Variants in CCDC191 observed in about 807,000 individuals in gnomAD.
CCDC191 encodes the protein coiled-coil domain-containing protein 191.
Under a neutral mutation model 114.0 loss-of-function variants are expected in CCDC191, and 99 were observed. That is an observed-to-expected ratio of 0.87 (90% CI 0.74 to 1.03). The LOEUF (loss-of-function observed/expected upper bound fraction) is 1.03. CCDC191 is among the 50% of genes least tolerant of loss of function. The pLI is 0.00. For synonymous variants in CCDC191, 351 were observed against 376.0 expected (o/e 0.93, Z 0.77); for missense variants, 973 against 1,087.0 (o/e 0.90, Z 1.47).
chr3:114,005,883 G>T lies in CCDC191; in HGVS notation c.1493C>A (p.Thr498Lys). Residue 498 changes from threonine to lysine, a missense_variant, in exon 10 of 17, where the codon ACA becomes AAA. Physicochemically the swap from Thr to Lys is moderately conservative, Grantham distance 78. Coordinates refer to ENST00000295878, the MANE Select transcript of CCDC191 (RefSeq NM_020817.2). ...GGAACCCTGCAAGTTGCCTGTTGTTGTTCTTCCCAGGGGAGGACTGAGCAT... is the reference window on the plus strand; with the variant it reads ...GGAACCCTGCAAGTTGCCTGTTGTTTTTCTTCCCAGGGGAGGACTGAGCAT... ...GCMLSPPLGR[T>K]TTGNLQGSLQ... is the part of the protein sequence containing the mutation. The T allele has an allele frequency of 6.2e-7, 1 of 1,613,980 alleles. No homozygotes were observed. The highest frequency in any genetic ancestry group is 8.5e-7 in the Non-Finnish European group (1 of 1,179,910).
intron 13 of CCDC191, among the ~76,000 whole-genome samples, chr3:113,982,868 A>C (rs1050974915): frequency 1.3e-5 from 2 of 151,552 alleles, no homozygotes; most frequent in African/African-American, 2.4e-5. Flanking sequence ...AAAAAAAAAA[A>C]AACCAAAAAT....
chr3:114,005,796 G>GCAATAA lies in CCDC191; in HGVS notation c.1579_1580insTTATTG (p.Pro527delinsLeuIleAla). ...CTCGTTGCTGCCAGGCTGTTGAGAG[G>GCAATAA]GTTCAGCACCCAGGGTCTTGTGCTG... On this transcript the variant is annotated protein_altering_variant, in exon 10 of 17. Coordinates refer to ENST00000295878, the MANE Select transcript of CCDC191 (RefSeq NM_020817.2). The GCAATAA allele has an allele frequency of 6.2e-7, 1 of 1,614,030 alleles. No individual in the cohort carries two copies.
At chr3:114,009,974 TA>T (rs984599508) in intron 9 of CCDC191, among the ~76,000 whole-genome samples, 12 of 151,116 alleles carry the variant, frequency 7.9e-5, no homozygotes, top group Non-Finnish European at 1.0e-4. Flanking sequence ...TTGCGGAACT[TA>T]AAAAAAAAGA....
At position 114,006,419 on chromosome 3, in the gene CCDC191, A is replaced by G. The variant is rs535331214; in HGVS notation, c.1414-457T>C. ...GGCTGAGATTGTGCTACTGAACTCC[A>G]GCCTGGGCAACACAGCGAGACCCTG... On this transcript the variant is annotated intron_variant, in intron 9 of 16. Transcript: ENST00000295878. Among the ~76,000 whole-genome samples the G allele has an allele frequency of 5.3e-5, 8 of 151,238 alleles. No individual in the cohort carries two copies. In the South Asian group the frequency reaches 1.7e-3, roughly 32 times the overall value.
chr3:114,039,720 C>T (rs1258285242), intron 4 of CCDC191, among the ~76,000 whole-genome samples: 1 of 144,350 alleles, frequency 6.9e-6, no homozygotes, highest in African/African-American at 2.6e-5. Context: ...AGTTTTTTAA[C>T]AAGAAAAAAA....
chr3:113,975,855 A>G (rs1239122629), intron 16 of CCDC191, among the ~76,000 whole-genome samples: 1 of 152,258 alleles, frequency 6.6e-6, no homozygotes, highest in Non-Finnish European at 1.5e-5. Context: ...CAATGCTTTT[A>G]TATCAAGTAG....
In CCDC191 at chr3:114,005,951, C is replaced by A; in HGVS notation, c.1425G>T (p.Val475=). ...PPVKNGQETA[V]PPLWEKPPLG... ...AGGGAGGCTTTTCCCACAAAGGGGG[C>A]ACAGCAGTCTCCTGAGAGAGAGAAA... The change falls in exon 10 of 17, where the codon GTG becomes GTT. Residue 475 remains valine, a synonymous_variant. Coordinates refer to ENST00000295878, the MANE Select transcript of CCDC191 (RefSeq NM_020817.2). 1.2e-6 allele frequency: 2 copies of A among 1,613,736 alleles called. No homozygotes were observed. The highest frequency in any genetic ancestry group is 1.7e-6 in the Non-Finnish European group (2 of 1,179,766).
intron 8 of CCDC191, among the ~76,000 whole-genome samples, chr3:114,017,721 C>T (rs1219589051): frequency 6.6e-6 from 1 of 152,080 alleles, no homozygotes; most frequent in Non-Finnish European, 1.5e-5. Context: ...ACAGCACACA[C>T]CAGGGCCTGT....
At chr3:114,020,468 G>A (rs145593515) in intron 7 of CCDC191, among the ~76,000 whole-genome samples, 42 of 152,210 alleles carry the variant, frequency 2.8e-4, no homozygotes, top group African/African-American at 9.4e-4. Context: ...TGTCAAATAA[G>A]GCACATGTCC....
At chr3:113,968,783 T>G (rs1175422449) in intron 16 of CCDC191, among the ~76,000 whole-genome samples, 1 of 152,090 alleles carries the variant, frequency 6.6e-6, no homozygotes, top group African/African-American at 2.4e-5. Flanking sequence ...ATTGGATTTT[T>G]TTTTGCTATT....
rs545514904 is a variant in CCDC191 at position 114,005,862 on chromosome 3, C to T, written c.1514G>A (p.Gly505Asp). ...LGRTTTGNLQ[G>D]SLQNVSLSAP... Reference sequence around the variant, plus strand: ...ACTCAGAGAGACATTCTGAAGGGAACCCTGCAAGTTGCCTGTTGTTGTTCT... The same window carrying T: ...ACTCAGAGAGACATTCTGAAGGGAATCCTGCAAGTTGCCTGTTGTTGTTCT... The change falls in exon 10 of 17, where the codon GGT (glycine) becomes GAT (aspartate). Residue 505 changes from glycine (G) to aspartate (D), a missense_variant. Physicochemically the swap from Gly to Asp is moderately conservative, Grantham distance 94. Transcript: ENST00000295878. 3.5e-5 allele frequency: 57 copies of T among 1,614,036 alleles called. 2 individuals are homozygous for T. The South Asian group carries it at 5.8e-4, about 16-fold the overall frequency.
Position 113,965,286 on chromosome 3 carries a change from C to T in CCDC191, c.2680G>A (p.Glu894Lys), listed in dbSNP as rs202012960. 31 of 1,612,722 alleles carry T rather than the reference C, an allele frequency of 1.9e-5. No individual in the cohort carries two copies. In the African/African-American group the frequency reaches 3.9e-4, roughly 20 times the overall value. The change falls in exon 17 of 17, where the codon GAA becomes AAA. Residue 894 changes from glutamate to lysine, a missense_variant. Transcript: ENST00000295878. ...TTCCTACGAAGTTGCTGTCGCCTTT[C>T]TTCTTTTACTCTTTCCTCTTTCATA... Reference protein sequence around the residue: ...KFMKEERVKEERRQQLRRKVV... With the variant: ...KFMKEERVKEKRRQQLRRKVV...
In CCDC191 at chr3:113,980,704, T is replaced by A; in HGVS notation, c.2253A>T (p.Lys751Asn). 6.2e-7 allele frequency: 1 copy of A among 1,610,286 alleles called. No individual in the cohort carries two copies. The highest frequency in any genetic ancestry group is 8.5e-7 in the Non-Finnish European group (1 of 1,178,930). ...ATCTCTTCCAAGGCTCTAGACCTTT[T>A]TTCCTTAGCAAGACCCTTTCATAAT... The part of the protein sequence containing the change: ...KEHYERVLLR[K>N]KGLEPWKRLR... The change falls in exon 14 of 17, where the codon AAA becomes AAT. Residue 751 changes from lysine (K) to asparagine (N), a missense_variant. Lys to Asn is a moderately conservative substitution (Grantham distance 94). Transcript: ENST00000295878.
At chr3:113,980,501 T>C in intron 14 of CCDC191, 149 bp downstream of exon 14, 2 of 731,082 alleles carry the variant, frequency 2.7e-6, no homozygotes, top group Middle Eastern at 2.5e-4. Context: ...AAATCAAAAA[T>C]TGTATCCAAA....
At chr3:114,018,985 C>T in intron 7 of CCDC191, 117 bp from the exon 8 acceptor site, 1 of 859,070 alleles carries the variant, frequency 1.2e-6, no homozygotes, top group Non-Finnish European at 1.8e-6. Context: ...AATACAGGAA[C>T]TGTTGTCTTA....
intron 2 of CCDC191, among the ~76,000 whole-genome samples, chr3:114,048,456 C>T (rs1013758293): frequency 1.3e-5 from 2 of 152,200 alleles, no homozygotes; most frequent in South Asian, 2.1e-4. Flanking sequence ...CCAAGACTCT[C>T]GCTAATCTTC....
At chr3:113,985,910 G>A (rs757687400) in intron 13 of CCDC191, among the ~76,000 whole-genome samples, 1 of 152,068 alleles carries the variant, frequency 6.6e-6, no homozygotes, top group Non-Finnish European at 1.5e-5. Context: ...AACAGGTCTG[G>A]CCTTCAACAA....
rs7648203 is a variant in CCDC191 at position 113,993,065 on chromosome 3, T to C, written c.2163+8530A>G. Among the ~76,000 whole-genome samples, 450 of 152,256 alleles carry C rather than the reference T, an allele frequency of 3.0e-3. 2 individuals are homozygous for C. The highest frequency in any genetic ancestry group is 0.01 in the African/African-American group (434 of 41,546). Reference sequence around the variant, plus strand: ...ATGAAGGATAAAAGTAATATGATCATCTCAACAGATGCAGAAAAGCATGTG... The same window carrying C: ...ATGAAGGATAAAAGTAATATGATCACCTCAACAGATGCAGAAAAGCATGTG... On this transcript the variant is annotated intron_variant, in intron 13 of 16. Coordinates refer to ENST00000295878, the MANE Select transcript of CCDC191 (RefSeq NM_020817.2).
intron 8 of CCDC191, among the ~76,000 whole-genome samples, chr3:114,014,886 ACTC>A (rs1351752622): frequency 6.6e-6 from 1 of 151,078 alleles, no homozygotes; most frequent in Non-Finnish European, 1.5e-5. Context: ...TAGATAAAAA[ACTC>A]CTAGAAGGCA....
Sources: gnomAD v4.1 joint callset for allele counts (sites outside exome capture counted in the v4.1 genomes callset) on GRCh38, gnomAD v4.1.1 for gene constraint, MANE v1.5 for transcripts, NCBI Gene and HGNC (gene_info 2026-07-23, HGNC 2026-07-21) for gene names.